FSTL5: variants seen among roughly 807,000 people sequenced by gnomAD.
FSTL5 encodes the protein follistatin-related protein 5.
In FSTL5, 62 loss-of-function variants were observed where a neutral mutation model predicts 89.1. The observed-to-expected ratio is 0.70, with a 90% CI of 0.57 to 0.86. The LOEUF (loss-of-function observed/expected upper bound fraction) is 0.86. FSTL5 is among the 40% of genes least tolerant of loss of function. The probability of loss-of-function intolerance (pLI) is 0.00; values close to 1 mark genes in which losing one functional copy is unlikely to be tolerated. For missense variants in FSTL5, 1,057 were observed against 1,001.6 expected (o/e 1.06, Z -0.75); for synonymous variants, 383 against 346.2 (o/e 1.11, Z -1.18).
At chr4:161,500,748 T>C (rs1730265683) in intron 11 of FSTL5, among the ~76,000 whole-genome samples, 1 of 152,184 alleles carries the variant, frequency 6.6e-6, no homozygotes, top group Non-Finnish European at 1.5e-5. Context: ...AAAATCTTAA[T>C]TTAATGTTTA....
intron 6 of FSTL5, among the ~76,000 whole-genome samples, chr4:161,720,563 A>G (rs1275689170): frequency 1.3e-5 from 2 of 152,336 alleles, no homozygotes; most frequent in Non-Finnish European, 2.9e-5. Context: ...CTATACTCCT[A>G]TGTTCATTAT....
intron 4 of FSTL5, among the ~76,000 whole-genome samples, chr4:161,796,017 G>T (rs148338233): frequency 5.3e-5 from 8 of 151,732 alleles, no homozygotes; most frequent in African/African-American, 1.2e-4. Context: ...TACAATATCA[G>T]ATTTTTTTCA....
At chr4:161,739,275 A>G (rs771923028) in intron 6 of FSTL5, among the ~76,000 whole-genome samples, 6 of 152,196 alleles carry the variant, frequency 3.9e-5, no homozygotes, top group Non-Finnish European at 7.3e-5. Flanking sequence ...CTTGCCACAC[A>G]TATCAGGAGA....
chr4:162,155,934 T>C (rs552958738), intron 1 of FSTL5, among the ~76,000 whole-genome samples: 8 of 152,292 alleles, frequency 5.3e-5, no homozygotes, highest in South Asian at 2.1e-4. Flanking sequence ...AAATTAGAGA[T>C]CTAATGATGA....
At chr4:162,027,031 T>C (rs889229010) in intron 3 of FSTL5, among the ~76,000 whole-genome samples, 1 of 152,164 alleles carries the variant, frequency 6.6e-6, no homozygotes, top group Admixed American at 6.6e-5. Context: ...AGAAAGATTA[T>C]GTGTTTGCAT....
intron 4 of FSTL5, among the ~76,000 whole-genome samples, chr4:161,874,936 T>G (rs1732390772): frequency 6.6e-6 from 1 of 152,164 alleles, no homozygotes; most frequent in South Asian, 2.1e-4. Context: ...TACATACATA[T>G]ATACACACAC....
At chr4:161,411,682 T>C (rs2110938012) in intron 15 of FSTL5, among the ~76,000 whole-genome samples, 1 of 152,220 alleles carries the variant, frequency 6.6e-6, no homozygotes, top group African/African-American at 2.4e-5. Flanking sequence ...CAAAGGAACA[T>C]ACCTAGAAAT....
chr4:161,403,130 C>T (rs1307282751), intron 15 of FSTL5, among the ~76,000 whole-genome samples: 1 of 152,020 alleles, frequency 6.6e-6, no homozygotes, highest in Non-Finnish European at 1.5e-5. Flanking sequence ...CGCCCGGCCC[C>T]CAGAACTATT....
intron 5 of FSTL5, among the ~76,000 whole-genome samples, chr4:161,769,358 C>G (rs1741128386): frequency 6.6e-6 from 1 of 151,854 alleles, no homozygotes; most frequent in Non-Finnish European, 1.5e-5. Flanking sequence ...TACCCTGATT[C>G]CAAAACCAGA....
intron 6 of FSTL5, among the ~76,000 whole-genome samples, chr4:161,730,171 A>G (rs1278412386): frequency 6.6e-6 from 1 of 152,058 alleles, no homozygotes; most frequent in Non-Finnish European, 1.5e-5. Context: ...CTCTGTGTGT[A>G]TTTAAGCTTG....
chr4:162,098,431 T>C (rs1730854389), intron 2 of FSTL5, among the ~76,000 whole-genome samples: 1 of 151,998 alleles, frequency 6.6e-6, no homozygotes, highest in South Asian at 2.1e-4. Context: ...TACACTTTTG[T>C]TCAAGACTCA....
rs566112219 is a variant in FSTL5, at chr4:161,638,992, C to T, written c.894+17336G>A. Among the ~76,000 whole-genome samples the T allele has an allele frequency of 5.3e-3, 789 of 149,332 alleles. 6 individuals carry two copies. Among genetic ancestry groups the T allele is most frequent in the African/African-American group, 0.018 (720 of 40,290 alleles). On this transcript the variant is annotated intron_variant, in intron 7 of 15. Coordinates refer to ENST00000306100, the MANE Select transcript of FSTL5 (RefSeq NM_020116.5). ...CTCAATAAATTAGGTATTGATGGGA[C>T]GTACTTCAAAATAATAAGAGCTATC...
chr4:161,900,244 C>A (rs1733308468), intron 4 of FSTL5, among the ~76,000 whole-genome samples: 3 of 151,702 alleles, frequency 2.0e-5, no homozygotes, highest in Admixed American at 2.0e-4. Context: ...AGTAGCTGAA[C>A]AAGCATGTAA....
At chr4:162,139,096 AT>A (rs1238646684) in intron 1 of FSTL5, among the ~76,000 whole-genome samples, 2 of 151,874 alleles carry the variant, frequency 1.3e-5, no homozygotes, top group Non-Finnish European at 2.9e-5. Context: ...TGTTTTTTAA[AT>A]TTTACATTCT....
chr4:161,510,472 G>C (rs143070893), intron 10 of FSTL5, 48 bp from the exon 11 acceptor site: 1 of 1,139,872 alleles, frequency 8.8e-7, no homozygotes. Flanking sequence ...TGAGTAAAGA[G>C]AGCTTTTGCT....
At chr4:161,664,617 A>T (rs1221333641) in intron 6 of FSTL5, among the ~76,000 whole-genome samples, 2 of 152,022 alleles carry the variant, frequency 1.3e-5, no homozygotes, top group East Asian at 3.9e-4. Flanking sequence ...ACTTTCTCAC[A>T]TTTTTCTGTC....
intron 1 of FSTL5, among the ~76,000 whole-genome samples, chr4:162,120,243 TTCAC>T (rs1731798637): frequency 6.6e-6 from 1 of 152,136 alleles, no homozygotes. Flanking sequence ...GGAGAAAGTA[TTCAC>T]TCTTAGTTCC....
At chr4:161,942,151 A>T (rs1337302892) in intron 3 of FSTL5, among the ~76,000 whole-genome samples, 1 of 151,914 alleles carries the variant, frequency 6.6e-6, no homozygotes, top group East Asian at 1.9e-4. Context: ...CTAAGAACTC[A>T]TAGCTGTAAA....
intron 6 of FSTL5, among the ~76,000 whole-genome samples, chr4:161,752,549 A>C (rs1315006741): frequency 6.6e-6 from 1 of 152,184 alleles, no homozygotes; most frequent in Non-Finnish European, 1.5e-5. Context: ...CAGAGTTACT[A>C]GTAAGTTCCT....
Sources: allele counts gnomAD v4.1 joint callset (sites outside exome capture counted in the v4.1 genomes callset), GRCh38; gene constraint gnomAD v4.1.1; transcripts MANE v1.5; gene names NCBI Gene and HGNC (gene_info 2026-07-23, HGNC 2026-07-21).